The following PACSIN2 variants were observed in gnomAD, a reference collection of about 807,000 sequenced individuals.
PACSIN2 encodes protein kinase C and casein kinase substrate in neurons protein 2.
Under a neutral mutation model 63.8 loss-of-function variants are expected in PACSIN2, and 25 were observed. The ratio of observed to expected loss-of-function variants is 0.39; its 90% confidence interval spans 0.29 to 0.55. The LOEUF (loss-of-function observed/expected upper bound fraction) is 0.55. PACSIN2 is among the 20% of genes least tolerant of loss of function. The probability of loss-of-function intolerance (pLI) is 0.62; values close to 1 mark genes in which losing one functional copy is unlikely to be tolerated. For missense variants in PACSIN2, 518 were observed against 646.9 expected (o/e 0.80, Z 2.16); for synonymous variants, 255 against 256.2 (o/e 1.00, Z 0.05).
At chr22:42,986,350 C>T (rs1922609016) in intron 1 of PACSIN2, among the ~76,000 whole-genome samples, 1 of 152,166 alleles carries the variant, frequency 6.6e-6, no homozygotes. Flanking sequence ...CGCAGCGGCC[C>T]CCAAAGAAAA....
intron 2 of PACSIN2, among the ~76,000 whole-genome samples, chr22:42,899,255 T>G (rs1930503290): frequency 6.6e-6 from 1 of 152,228 alleles, no homozygotes; most frequent in Admixed American, 6.5e-5. Context: ...AATACCTTTG[T>G]GACTTACGGC....
intron 1 of PACSIN2, among the ~76,000 whole-genome samples, chr22:42,942,343 A>C (rs1244291789): frequency 6.6e-6 from 1 of 152,078 alleles, no homozygotes; most frequent in Non-Finnish European, 1.5e-5. Flanking sequence ...CATCCTCTGA[A>C]GCACAAAAGT....
chr22:42,876,162 C>T lies in PACSIN2; in HGVS notation c.1323G>A (p.Glu441=), dbSNP rs756431066. ...VRALYDYEGQ[E]HDELSFKAGD... The stretch of plus-strand genomic sequence containing the variant: ...CAGCCTTGAAGCTCAGCTCATCATG[C>T]TCCTGCCCCTCATAGTCATACAGGG... The change falls in exon 10 of 11, where the codon GAG becomes GAA. Residue 441 remains glutamate, a synonymous_variant. Transcript: ENST00000263246. The T allele has an allele frequency of 1.2e-6, 2 of 1,614,128 alleles. No homozygotes were observed. Among genetic ancestry groups the T allele is most frequent in the South Asian group, 1.1e-5 (1 of 91,090 alleles).
intron 1 of PACSIN2, among the ~76,000 whole-genome samples, chr22:42,971,739 C>T (rs1205898011): frequency 1.3e-5 from 2 of 151,694 alleles, no homozygotes; most frequent in African/African-American, 4.8e-5. Flanking sequence ...GTCCGGCAGC[C>T]GCCCCGTCCG....
At chr22:42,902,147 C>A (rs113192315) in intron 2 of PACSIN2, among the ~76,000 whole-genome samples, 1 of 152,262 alleles carries the variant, frequency 6.6e-6, no homozygotes, top group Non-Finnish European at 1.5e-5. Context: ...GAACTTATGG[C>A]CAGAAAAATA....
At chr22:42,968,057 A>C (rs1455548034) in intron 1 of PACSIN2, among the ~76,000 whole-genome samples, 1 of 152,196 alleles carries the variant, frequency 6.6e-6, no homozygotes, top group Non-Finnish European at 1.5e-5. Flanking sequence ...TTTTCAGATG[A>C]GAAAACTACA....
intron 1 of PACSIN2, among the ~76,000 whole-genome samples, chr22:42,972,493 AATC>A (rs888317297): frequency 6.6e-6 from 1 of 152,124 alleles, no homozygotes; most frequent in African/African-American, 2.4e-5. Context: ...AACACCCAAG[AATC>A]ATCAATAAAT....
chr22:42,879,954 G>A (rs1249205956), intron 7 of PACSIN2, among the ~76,000 whole-genome samples: 3 of 152,162 alleles, frequency 2.0e-5, no homozygotes, highest in Admixed American at 6.5e-5. Context: ...GAAGCCTCAC[G>A]AGTTCTCGGG....
intron 1 of PACSIN2, among the ~76,000 whole-genome samples, chr22:42,962,255 A>G (rs1934162483): frequency 6.6e-6 from 1 of 150,940 alleles, no homozygotes; most frequent in Non-Finnish European, 1.5e-5. Context: ...TAAAAGACTC[A>G]CTCTCTTCTT....
intron 1 of PACSIN2, among the ~76,000 whole-genome samples, chr22:43,004,709 A>T (rs1020646620): frequency 7.2e-5 from 11 of 152,206 alleles, no homozygotes; most frequent in Non-Finnish European, 1.5e-4. Context: ...TTACATTAAG[A>T]AGATTTCATT....
intron 1 of PACSIN2, among the ~76,000 whole-genome samples, chr22:42,971,501 C>T (rs1310410350): frequency 6.6e-6 from 1 of 152,144 alleles, no homozygotes; most frequent in African/African-American, 2.4e-5. Context: ...TCTGCCCGGC[C>T]GCCACCCCAT....
chr22:42,980,497 CCCCTCT>C (rs1353522962), intron 1 of PACSIN2, among the ~76,000 whole-genome samples: 20 of 136,706 alleles, frequency 1.5e-4, no homozygotes, highest in Middle Eastern at 3.7e-3. Context: ...CCTCCCCCTC[CCCCTCT>C]CCCTCTCCCT....
At chr22:42,897,261 A>T (rs956517557) in intron 2 of PACSIN2, among the ~76,000 whole-genome samples, 3 of 152,184 alleles carry the variant, frequency 2.0e-5, no homozygotes, top group Admixed American at 6.5e-5. Flanking sequence ...TATATTTTTT[A>T]AAAAATCAAA....
At chr22:42,885,876 A>G (rs1389709035) in intron 5 of PACSIN2, among the ~76,000 whole-genome samples, 1 of 152,142 alleles carries the variant, frequency 6.6e-6, no homozygotes, top group Non-Finnish European at 1.5e-5. Flanking sequence ...GCAGAGAAAG[A>G]GCTCCACAGC....
In PACSIN2 at chr22:42,893,609, C is replaced by T. The variant is rs75923934; in HGVS notation, c.65G>A (p.Gly22Glu). The T allele has an allele frequency of 4.3e-6, 7 of 1,613,680 alleles. No homozygotes were observed. The highest frequency in any genetic ancestry group is 1.3e-5 in the African/African-American group (1 of 75,058). Residue 22 changes from glycine to glutamate, a missense_variant, in exon 3 of 11, where the codon GGG (glycine) becomes GAG (glutamate). By Grantham distance (98) the Gly-to-Glu change is moderately conservative. Coordinates refer to ENST00000263246, the MANE Select transcript of PACSIN2 (RefSeq NM_001184970.3). ...EVSSDSFWEV[G>E]NYKRTVKRID... ...CCGCTTCACAGTCCGCTTGTAGTTCCCGACCTAGGAGAGAGAACCAGCTGG... is the reference window on the plus strand; with the variant it reads ...CCGCTTCACAGTCCGCTTGTAGTTCTCGACCTAGGAGAGAGAACCAGCTGG...
At chr22:42,971,874 G>A (rs1431007632) in intron 1 of PACSIN2, among the ~76,000 whole-genome samples, 1 of 150,496 alleles carries the variant, frequency 6.6e-6, no homozygotes. Context: ...CCAGCCAGCA[G>A]CCCCGTTCGG....
intron 4 of PACSIN2, among the ~76,000 whole-genome samples, chr22:42,889,480 C>G (rs1473299216): frequency 6.6e-6 from 1 of 151,886 alleles, no homozygotes; most frequent in Non-Finnish European, 1.5e-5. Flanking sequence ...GCAAAGGCCT[C>G]ATGAGACACA....
At chr22:42,999,276 C>G (rs1246532429) in intron 1 of PACSIN2, among the ~76,000 whole-genome samples, 1 of 152,218 alleles carries the variant, frequency 6.6e-6, no homozygotes, top group South Asian at 2.1e-4. Context: ...AGCCACACCC[C>G]TGTCCCAAGT....
At chr22:42,934,399 A>C in intron 1 of PACSIN2, among the ~76,000 whole-genome samples, 1 of 150,696 alleles carries the variant, frequency 6.6e-6, no homozygotes, top group Admixed American at 6.6e-5. Flanking sequence ...GCTTCTGTGT[A>C]CTCCCCCTCC....
Sources: allele counts gnomAD v4.1 joint callset (sites outside exome capture counted in the v4.1 genomes callset), GRCh38; gene constraint gnomAD v4.1.1; transcripts MANE v1.5; gene names NCBI Gene and HGNC (gene_info 2026-07-23, HGNC 2026-07-21).